KCNMA1: variants seen among roughly 807,000 people sequenced by gnomAD.
KCNMA1 encodes the protein Calcium-activated potassium channel subunit alpha-1.
In KCNMA1, 29 loss-of-function variants were observed where a neutral mutation model predicts 140.0. The observed-to-expected ratio is 0.21, with a 90% CI of 0.15 to 0.28. KCNMA1 has a LOEUF of 0.28. KCNMA1 is among the 10% of genes least tolerant of loss of function. KCNMA1 has a pLI of 1.00. For missense variants in KCNMA1, 880 were observed against 1,602.2 expected, an observed-to-expected ratio of 0.55 and a Z score of 7.70; for synonymous variants, 612 against 611.9, an observed-to-expected ratio of 1.00 and a Z score of 0.00.
At chr10:77,306,136 T>C (rs765428979) in intron 2 of KCNMA1, among the ~76,000 whole-genome samples, 1 of 152,174 alleles carries the variant, frequency 6.6e-6, no homozygotes, top group Non-Finnish European at 1.5e-5. Flanking sequence ...AAACATGCCC[T>C]GAGAGCCTGC....
chr10:77,166,197 G>T (rs904902730), intron 5 of KCNMA1, among the ~76,000 whole-genome samples: 1 of 152,112 alleles, frequency 6.6e-6, no homozygotes, highest in Non-Finnish European at 1.5e-5. Flanking sequence ...CAAGAAAATT[G>T]AAATAAGAAG....
At chr10:76,871,559 T>C (rs1003783243) in exon 28 of KCNMA1, 1 of 152,246 alleles carries the variant, frequency 6.6e-6, no homozygotes, top group Admixed American at 6.5e-5. Flanking sequence ...TTCCAATATA[T>C]GTGTGCCTTG....
intron 5 of KCNMA1, among the ~76,000 whole-genome samples, chr10:77,175,282 C>T (rs572497799): frequency 1.3e-5 from 2 of 152,294 alleles, no homozygotes; most frequent in South Asian, 2.1e-4. Flanking sequence ...AGACCCTGAA[C>T]CTCAGTTTCC....
chr10:77,456,499 C>T (rs2097764468), intron 1 of KCNMA1, among the ~76,000 whole-genome samples: 1 of 152,232 alleles, frequency 6.6e-6, no homozygotes. Context: ...TCCACTTCTA[C>T]CTCCGTGACA....
chr10:77,072,169 T>A (rs74140277), intron 14 of KCNMA1, among the ~76,000 whole-genome samples: 1,621 of 152,352 alleles, frequency 0.011, 19 homozygotes, highest in African/African-American at 0.037. Context: ...TTCTGCTCCT[T>A]ACATAGTAAG....
At chr10:76,980,389 T>C (rs1442875302) in intron 19 of KCNMA1, 1 of 152,194 alleles carries the variant, frequency 6.6e-6, no homozygotes, top group Non-Finnish European at 1.5e-5. Flanking sequence ...CTCAATGTCC[T>C]ACGATCTACT....
At chr10:76,995,946 G>T (rs1274934029) in intron 19 of KCNMA1, among the ~76,000 whole-genome samples, 1 of 152,108 alleles carries the variant, frequency 6.6e-6, no homozygotes, top group Non-Finnish European at 1.5e-5. Context: ...CTGTTTCAAA[G>T]AATTTCTTTT....
chr10:77,261,228 G>A (rs1056986436), intron 2 of KCNMA1, among the ~76,000 whole-genome samples: 1 of 152,130 alleles, frequency 6.6e-6, no homozygotes, highest in South Asian at 2.1e-4. Flanking sequence ...TATAAATCAT[G>A]CATCCATCAG....
chr10:77,408,768 C>A (rs2154473698), intron 1 of KCNMA1, among the ~76,000 whole-genome samples: 1 of 152,304 alleles, frequency 6.6e-6, no homozygotes, highest in African/African-American at 2.4e-5. Flanking sequence ...AGGAGCCCTC[C>A]CCCTGCCCTT....
chr10:77,123,729 T>C (rs2153961655), intron 5 of KCNMA1, among the ~76,000 whole-genome samples: 1 of 152,292 alleles, frequency 6.6e-6, no homozygotes, highest in South Asian at 2.1e-4. Flanking sequence ...ACTTATAAAT[T>C]AGCACAGGAA....
rs117000343 is a variant in KCNMA1, at chr10:77,564,024, C to T, written c.378+73241G>A. On this transcript the variant is annotated intron_variant, in intron 1 of 27. Transcript: ENST00000286628. ...ATCAGAGCTCAATATAAATGTACCTCCTTATTATTAGGCACATGGCACAGT... is the reference window on the plus strand; with the variant it reads ...ATCAGAGCTCAATATAAATGTACCTTCTTATTATTAGGCACATGGCACAGT... 4.8e-4 allele frequency among the ~76,000 whole-genome samples: 73 copies of T among 152,350 alleles called. 2 individuals are homozygous for T. In the East Asian group the frequency reaches 0.013, roughly 28 times the overall value.
chr10:76,899,788 A>T (rs919522343), intron 25 of KCNMA1, among the ~76,000 whole-genome samples: 1 of 152,190 alleles, frequency 6.6e-6, no homozygotes, highest in Non-Finnish European at 1.5e-5. Context: ...GGTAATGATT[A>T]AACAATGGTT....
At chr10:77,422,866 G>A (rs1159246683) in intron 1 of KCNMA1, among the ~76,000 whole-genome samples, 1 of 152,224 alleles carries the variant, frequency 6.6e-6, no homozygotes, top group East Asian at 1.9e-4. Context: ...TTCAGAGGGA[G>A]GCTGGCCCTG....
chr10:77,474,636 A>C (rs1172379063), intron 1 of KCNMA1, among the ~76,000 whole-genome samples: 3 of 151,216 alleles, frequency 2.0e-5, no homozygotes, highest in African/African-American at 7.3e-5. Context: ...GAGGTTCCAC[A>C]TTCTTTTTTT....
chr10:77,267,285 T>A (rs1186610958), intron 2 of KCNMA1, among the ~76,000 whole-genome samples: 4 of 152,144 alleles, frequency 2.6e-5, no homozygotes, highest in Admixed American at 2.6e-4. Flanking sequence ...CTGAATTCAA[T>A]TGAGGGAGGA....
At chr10:77,209,757 G>A (rs1443029678) in intron 3 of KCNMA1, among the ~76,000 whole-genome samples, 9 of 151,974 alleles carry the variant, frequency 5.9e-5, no homozygotes, top group South Asian at 2.1e-4. Flanking sequence ...AAAGATTCTC[G>A]AAGACTATTA....
intron 1 of KCNMA1, among the ~76,000 whole-genome samples, chr10:77,628,590 C>T (rs1283016696): frequency 1.3e-5 from 2 of 150,880 alleles, no homozygotes; most frequent in Non-Finnish European, 2.9e-5. Flanking sequence ...TACAGTGAGC[C>T]GAGATCATGC....
At chr10:77,236,919 A>G (rs1411572193) in intron 3 of KCNMA1, among the ~76,000 whole-genome samples, 1 of 152,222 alleles carries the variant, frequency 6.6e-6, no homozygotes, top group Admixed American at 6.5e-5. Flanking sequence ...AGCTGGGATT[A>G]TAGGTAAAAG....
intron 1 of KCNMA1, among the ~76,000 whole-genome samples, chr10:77,434,116 G>A (rs1006769898): frequency 2.6e-5 from 4 of 152,088 alleles, no homozygotes; most frequent in South Asian, 2.1e-4. Context: ...AGCTTCCTTC[G>A]GCTTCCCCAA....
Sources: gnomAD v4.1 joint callset for allele counts (sites outside exome capture counted in the v4.1 genomes callset) on GRCh38, gnomAD v4.1.1 for gene constraint, MANE v1.5 for transcripts, NCBI Gene and HGNC (gene_info 2026-07-23, HGNC 2026-07-21) for gene names.